FMO5: variants seen among roughly 807,000 people sequenced by gnomAD.
FMO5 encodes flavin-containing monooxygenase 5.
FMO5 carries 51 observed loss-of-function variants against 43.6 expected under a neutral mutation model. The observed-to-expected ratio is 1.17, with a 90% CI of 0.93 to 1.48. FMO5 has a LOEUF of 1.48. FMO5 is among the 40% of genes most tolerant of loss of function. The pLI, the probability that FMO5 is intolerant of heterozygous loss-of-function variation, is 0.00. For missense variants in FMO5, 644 were observed against 643.0 expected, an observed-to-expected ratio of 1.00 and a Z score of -0.02; for synonymous variants, 187 against 216.5, an observed-to-expected ratio of 0.86 and a Z score of 1.20.
At position 147,219,566 on chromosome 1, in the gene FMO5, TG is replaced by T. The variant is rs1233261736; in HGVS notation, c.136-3625del. ...AAATTAGACACTTTTCCCCTAAGAC[TG>T]GGAACAAGGTAAGGATGTCCTCTCT... On this transcript the variant is annotated intron_variant, in intron 2 of 8. Coordinates refer to ENST00000254090, the MANE Select transcript of FMO5 (RefSeq NM_001461.4). Among the ~76,000 whole-genome samples, 4 of 152,166 alleles carry T rather than the reference TG, an allele frequency of 2.6e-5. No individual in the cohort carries two copies. The East Asian group carries it at 7.8e-4, about 29-fold the overall frequency.
intron 2 of FMO5, chr1:147,223,825 C>CAGCT (rs1156472027): frequency 6.8e-6 from 2 of 292,594 alleles, no homozygotes; most frequent in Non-Finnish European, 1.3e-5. Context: ...CACTGCCAAA[C>CAGCT]AGCTACTGAC....
In FMO5 at chr1:147,187,203, T is replaced by C; in HGVS notation, c.1299A>G (p.Ile433Met). The change falls in exon 9 of 9, where the codon ATA becomes ATG. Residue 433 changes from isoleucine to methionine, a missense_variant. Coordinates refer to ENST00000254090, the MANE Select transcript of FMO5 (RefSeq NM_001461.4). Reference protein sequence around the residue: ...SQRHTIQGDYIDTMEELADLV... With the variant: ...SQRHTIQGDYMDTMEELADLV... ...AATCAGCAAGCTCTTCCATGGTATC[T>C]ATGTAGTCTCCCTGAATGGTATGGC... 1.9e-6 allele frequency: 3 copies of C among 1,613,938 alleles called. No individual in the cohort carries two copies. The highest frequency in any genetic ancestry group is 2.5e-6 in the Non-Finnish European group (3 of 1,179,930).
Position 147,187,024 on chromosome 1 carries a change from T to A in FMO5, c.1478A>T (p.Asp493Val). 6.2e-7 allele frequency: 1 copy of A among 1,614,116 alleles called. No individual in the cohort carries two copies. The highest frequency in any genetic ancestry group is 8.5e-7 in the Non-Finnish European group (1 of 1,180,000). ...TGTCATCAGAGGCTTCCTGATGCGA[T>A]CATCTGTGGTGAGGATAGCTTTTCG... Reference protein sequence around the residue: ...GARKAILTTDDRIRKPLMTRV... With the variant: ...GARKAILTTDVRIRKPLMTRV... The change falls in exon 9 of 9, where the codon GAT becomes GTT. Residue 493 changes from aspartate to valine, a missense_variant. Coordinates refer to ENST00000254090, the MANE Select transcript of FMO5 (RefSeq NM_001461.4).
intron 6 of FMO5, chr1:147,204,555 T>C: frequency 6.3e-7 from 1 of 1,586,040 alleles, no homozygotes; most frequent in South Asian, 1.1e-5. Context: ...CTATGACCTC[T>C]GAAACTGACA....
chr1:147,209,457 G>T (rs1660744276), intron 5 of FMO5, among the ~76,000 whole-genome samples: 1 of 106,216 alleles, frequency 9.4e-6, no homozygotes, highest in Non-Finnish European at 2.1e-5. Context: ...AAAAAAAAGA[G>T]TTCAAACTCA....
At position 147,225,085 on chromosome 1, in the gene FMO5, A is replaced by G. The variant is rs1018814382; in HGVS notation, c.-37-19T>C. 1.2e-6 allele frequency: 2 copies of G among 1,611,894 alleles called. No homozygotes were observed. Among genetic ancestry groups the G allele is most frequent in the Non-Finnish European group, 1.7e-6 (2 of 1,179,152 alleles). ...GCCTGTCCTAAAGAAAGGATGACAA[A>G]AGACAAAAAGCACACATCGGTTAAC... On this transcript the variant is annotated intron_variant, in intron 1 of 8. Coordinates refer to ENST00000254090, the MANE Select transcript of FMO5 (RefSeq NM_001461.4).
chr1:147,221,982 C>G (rs1401203019), intron 2 of FMO5, among the ~76,000 whole-genome samples: 1 of 152,170 alleles, frequency 6.6e-6, no homozygotes, highest in African/African-American at 2.4e-5. Flanking sequence ...AATTTTCTAC[C>G]ATTGATGAAT....
intron 7 of FMO5, among the ~76,000 whole-genome samples, chr1:147,200,698 C>T (rs1357649129): frequency 4.0e-5 from 6 of 151,740 alleles, no homozygotes; most frequent in Admixed American, 3.3e-4. Flanking sequence ...TAGTCTGCAA[C>T]CAGGTCTTAA....
chr1:147,220,949 A>AG (rs1662902348), intron 2 of FMO5, among the ~76,000 whole-genome samples: 1 of 151,810 alleles, frequency 6.6e-6, no homozygotes, highest in Admixed American at 6.6e-5. Context: ...GTTTCCAAAA[A>AG]AAAAAAAAAA....
intron 2 of FMO5, chr1:147,223,771 T>A: frequency 4.1e-6 from 1 of 245,382 alleles, no homozygotes; most frequent in Non-Finnish European, 8.1e-6. Context: ...TTTTATAAGC[T>A]GCTGAAAGCA....
chr1:147,204,647 C>T, intron 6 of FMO5: 2 of 1,585,604 alleles, frequency 1.3e-6, no homozygotes, highest in South Asian at 2.2e-5. Context: ...TCTCCAACTT[C>T]TTGCTCTTGC....
intron 6 of FMO5, chr1:147,203,697 C>G: frequency 1.3e-6 from 2 of 1,500,060 alleles, no homozygotes; most frequent in South Asian, 2.3e-5. Flanking sequence ...TCTGTTGCTC[C>G]ACCTCTGGGT....
At chr1:147,198,360 C>G (rs587702864) in intron 7 of FMO5, among the ~76,000 whole-genome samples, 2 of 152,170 alleles carry the variant, frequency 1.3e-5, no homozygotes, top group South Asian at 2.1e-4. Context: ...GGAGCTATCA[C>G]TATATTACAA....
intron 6 of FMO5, among the ~76,000 whole-genome samples, chr1:147,207,708 C>G (rs1196908832): frequency 6.6e-6 from 1 of 152,182 alleles, no homozygotes; most frequent in Admixed American, 6.5e-5. Flanking sequence ...ATATTGACTT[C>G]TGATCAACCC....
rs185407180 is a variant in FMO5 at position 147,193,345 on chromosome 1, C to T, written c.1184-3096G>A. 7.2e-4 allele frequency among the ~76,000 whole-genome samples: 110 copies of T among 152,118 alleles called. 1 individual carries two copies. Among genetic ancestry groups the T allele is most frequent in the Admixed American group, 5.2e-4 (8 of 15,288 alleles). On this transcript the variant is annotated intron_variant, in intron 7 of 8. Transcript: ENST00000254090. ...ATGGTAGTTTGTATTTCTGTGGGAT[C>T]GGTGGTGATATCCCCTTTATCATTT...
At chr1:147,197,609 C>T (rs1553920077) in intron 7 of FMO5, among the ~76,000 whole-genome samples, 1 of 152,108 alleles carries the variant, frequency 6.6e-6, no homozygotes, top group African/African-American at 2.4e-5. Context: ...CTTTCCCTTT[C>T]ACTCAGCACT....
At chr1:147,223,694 C>A in intron 2 of FMO5, 1 of 190,534 alleles carries the variant, frequency 5.2e-6, no homozygotes, top group East Asian at 1.5e-4. Flanking sequence ...CATACAGCCC[C>A]AAAGAGACCT....
chr1:147,211,369 T>G (rs1661040798), intron 5 of FMO5: 2 of 152,214 alleles, frequency 1.3e-5, no homozygotes, highest in African/African-American at 4.8e-5. Context: ...TTTTAATTAT[T>G]TTTAATCCTT....
chr1:147,194,720 C>T (rs1657632139), intron 7 of FMO5, among the ~76,000 whole-genome samples: 1 of 152,002 alleles, frequency 6.6e-6, no homozygotes, highest in Non-Finnish European at 1.5e-5. Flanking sequence ...CAAAATCTCT[C>T]AGCATTTGCT....
Sources: allele counts gnomAD v4.1 joint callset (sites outside exome capture counted in the v4.1 genomes callset), GRCh38; gene constraint gnomAD v4.1.1; transcripts MANE v1.5; gene names NCBI Gene and HGNC (gene_info 2026-07-23, HGNC 2026-07-21).